Variants in CEP112 observed in about 807,000 individuals in gnomAD.
The protein encoded by CEP112 is centrosomal protein 112.
In CEP112, 127 loss-of-function variants were observed where a neutral mutation model predicts 153.0. The ratio of observed to expected loss-of-function variants is 0.83; its 90% CI spans 0.72 to 0.96. CEP112 has a LOEUF of 0.96. Among genes scored for constraint, CEP112 ranks in the 40% least tolerant of loss-of-function variants. CEP112 has a pLI of 0.00. For synonymous variants in CEP112, 358 were observed against 374.4 expected (o/e 0.96, Z 0.51); for missense variants, 1,089 against 1,101.2 (o/e 0.99, Z 0.16).
At chr17:66,025,936 C>CACACACACACACACACACAT (rs1403670972) in intron 16 of CEP112, among the ~76,000 whole-genome samples, 1 of 121,356 alleles carries the variant, frequency 8.2e-6, no homozygotes, top group Non-Finnish European at 1.8e-5. Context: ...CACACACACA[C>CACACACACACACACACACAT]ACACACACAC....
intron 16 of CEP112, among the ~76,000 whole-genome samples, chr17:66,006,717 C>T (rs1251341977): frequency 6.6e-6 from 1 of 152,066 alleles, no homozygotes; most frequent in Admixed American, 6.5e-5. Context: ...TTTGGTACAG[C>T]TGGATGAAAA....
intron 6 of CEP112, among the ~76,000 whole-genome samples, chr17:66,124,338 A>C (rs1426000053): frequency 2.0e-5 from 3 of 152,134 alleles, no homozygotes; most frequent in Non-Finnish European, 4.4e-5. Flanking sequence ...ACCTCATTGC[A>C]CTATTGTACA....
chr17:65,984,025 G>C (rs1046688736), intron 17 of CEP112, among the ~76,000 whole-genome samples: 9 of 152,116 alleles, frequency 5.9e-5, no homozygotes, highest in Admixed American at 5.9e-4. Context: ...GCTTATTTCA[G>C]TCTAGATACC....
chr17:65,682,212 T>C (rs1005589615), intron 24 of CEP112, among the ~76,000 whole-genome samples: 2 of 152,052 alleles, frequency 1.3e-5, no homozygotes, highest in East Asian at 3.9e-4. Flanking sequence ...CAGGCTGGCC[T>C]TGAGCTCCTG....
intron 16 of CEP112, among the ~76,000 whole-genome samples, chr17:66,025,011 A>G (rs1312541172): frequency 6.6e-6 from 1 of 152,192 alleles, no homozygotes; most frequent in Non-Finnish European, 1.5e-5. Flanking sequence ...GATCTTTGAC[A>G]AAGTCAACAA....
intron 21 of CEP112, among the ~76,000 whole-genome samples, chr17:65,830,057 A>C (rs2146105870): frequency 6.6e-6 from 1 of 152,362 alleles, no homozygotes; most frequent in East Asian, 1.9e-4. Context: ...TGTTATAAAA[A>C]ACAGATGCAC....
intron 22 of CEP112, among the ~76,000 whole-genome samples, chr17:65,744,817 T>C (rs1211585267): frequency 5.3e-5 from 8 of 152,232 alleles, no homozygotes; most frequent in Non-Finnish European, 1.0e-4. Context: ...ATCCATTTCC[T>C]TGCAAATTCA....
intron 16 of CEP112, among the ~76,000 whole-genome samples, chr17:66,016,067 C>T (rs944882018): frequency 1.3e-5 from 2 of 152,180 alleles, no homozygotes; most frequent in Admixed American, 6.5e-5. Context: ...GGTTTCCTTA[C>T]GATTTCCTTA....
At chr17:65,927,480 T>C in intron 19 of CEP112, 102 bp downstream of exon 19, 2 of 668,668 alleles carry the variant, frequency 3.0e-6, no homozygotes, top group Non-Finnish European at 5.1e-6. Context: ...CAGCTCTTAG[T>C]AATATTTTCA....
intron 21 of CEP112, among the ~76,000 whole-genome samples, chr17:65,771,634 T>C (rs1270720656): frequency 2.6e-5 from 4 of 152,158 alleles, no homozygotes; most frequent in African/African-American, 9.7e-5. Context: ...GCTCTGACCA[T>C]AAAGAAATTA....
chr17:65,992,930 T>G (rs1260147156), intron 17 of CEP112, among the ~76,000 whole-genome samples: 1 of 98,838 alleles, frequency 1.0e-5, no homozygotes, highest in Non-Finnish European at 2.2e-5. Flanking sequence ...TATTCTTTTT[T>G]GTTTTTTATT....
chr17:65,799,052 G>A (rs1487099507), intron 21 of CEP112, among the ~76,000 whole-genome samples: 1 of 152,160 alleles, frequency 6.6e-6, no homozygotes. Context: ...CCCTAAATTA[G>A]ACTCAAAAGT....
chr17:66,163,249 A>C (rs1479316133), intron 4 of CEP112, among the ~76,000 whole-genome samples: 1 of 152,162 alleles, frequency 6.6e-6, no homozygotes, highest in Non-Finnish European at 1.5e-5. Flanking sequence ...TTTTGCATGC[A>C]TGCTATGTTT....
rs73353866 is a variant in CEP112, at chr17:66,146,824, G to A, written c.471-14061C>T. Among the ~76,000 whole-genome samples the A allele has an allele frequency of 8.6e-3, 1,310 of 152,154 alleles. 17 individuals are homozygous for A. The highest frequency in any genetic ancestry group is 0.03 in the African/African-American group (1,242 of 41,540). ...AATGTCTTCAAGATTTATCCATGTT[G>A]TCCCATGTGACAAGACTTTCTTCCT... On this transcript the variant is annotated intron_variant, in intron 4 of 26. Transcript: ENST00000535342.
rs143651651 is a variant in CEP112, at chr17:65,880,754, G to A, written c.2163+21398C>T. ...TAGCTCACACCTCTGACCAGAGTAT[G>A]GACACATGTGGCCAGTGCTCAACAT... On this transcript the variant is annotated intron_variant, in intron 20 of 26. Coordinates refer to ENST00000535342, the MANE Select transcript of CEP112 (RefSeq NM_001199165.4). Among the ~76,000 whole-genome samples the A allele has an allele frequency of 2.2e-3, 340 of 152,288 alleles. 1 individual carries two copies. The highest frequency in any genetic ancestry group is 7.8e-3 in the African/African-American group (324 of 41,572).
chr17:66,122,043 C>T (rs1315858258), intron 6 of CEP112, among the ~76,000 whole-genome samples: 2 of 152,062 alleles, frequency 1.3e-5, no homozygotes, highest in Non-Finnish European at 2.9e-5. Context: ...TACAGGTGTG[C>T]ACCACCATGC....
At chr17:65,639,001 G>C (rs1041892250) in intron 25 of CEP112, among the ~76,000 whole-genome samples, 7 of 152,062 alleles carry the variant, frequency 4.6e-5, no homozygotes, top group Admixed American at 1.3e-4. Flanking sequence ...AACCACACCT[G>C]GAGTGGAGAT....
intron 21 of CEP112, among the ~76,000 whole-genome samples, chr17:65,802,638 T>C (rs2055348603): frequency 6.6e-6 from 1 of 152,194 alleles, no homozygotes; most frequent in Non-Finnish European, 1.5e-5. Context: ...CTCATCATTA[T>C]CTTATCACAT....
At chr17:66,151,857 T>C (rs1598446111) in intron 4 of CEP112, among the ~76,000 whole-genome samples, 1 of 152,068 alleles carries the variant, frequency 6.6e-6, no homozygotes, top group East Asian at 1.9e-4. Context: ...TAGGAGAACC[T>C]AAGCCAGAAA....
Sources: gnomAD v4.1 joint callset for allele counts (sites outside exome capture counted in the v4.1 genomes callset) on GRCh38, gnomAD v4.1.1 for gene constraint, MANE v1.5 for transcripts, NCBI Gene and HGNC (gene_info 2026-07-23, HGNC 2026-07-21) for gene names.